The following PRH1 variants were observed in gnomAD, a reference collection of about 807,000 sequenced individuals.
PRH1 encodes the protein salivary acidic proline-rich phosphoprotein 1/2.
Under a neutral mutation model 7.9 loss-of-function variants are expected in PRH1, and 7 were observed. That is an observed-to-expected ratio of 0.89 (90% CI 0.50 to 1.67). The LOEUF is 1.67. PRH1 is among the 40% of genes most tolerant of loss of function. The pLI is 0.00. For missense variants in PRH1, 109 were observed against 223.6 expected (o/e 0.49, Z 3.27); for synonymous variants, 45 against 80.8 (o/e 0.56, Z 2.38).
At chr12:11,055,906 A>G (rs7973242) in intron 1 of PRH1, among the ~76,000 whole-genome samples, 33,716 of 152,030 alleles carry the variant, frequency 0.22, 3,632 homozygotes, top group Non-Finnish European at 0.24. Flanking sequence ...AAAGCATCCA[A>G]GGTTTTCTTG....
chr12:11,113,634 C>G (rs1945652329), intron 1 of PRH1, among the ~76,000 whole-genome samples: 1 of 152,128 alleles, frequency 6.6e-6, no homozygotes, highest in South Asian at 2.1e-4. Flanking sequence ...CTAGGCAATA[C>G]CATTCAGGAC....
chr12:10,919,195 T>C lies in PRH1; in HGVS notation c.-58-34920A>G, dbSNP rs191093232. Among the ~76,000 whole-genome samples the C allele has an allele frequency of 1.1e-4, 16 of 152,326 alleles. 1 individual carries two copies. The Middle Eastern group carries it at 0.01, about 97-fold the overall frequency. ...TGCAATATTGTTGTTACAATACTAA[T>C]TATTGCAGGGTTAATTTTTCTTCAC... On this transcript the variant is annotated intron_variant, in intron 2 of 3. Coordinates refer to the PRH1 transcript ENST00000539853.
intron 2 of PRH1, among the ~76,000 whole-genome samples, chr12:10,947,932 C>T (rs1950512751): frequency 1.3e-5 from 2 of 152,058 alleles, no homozygotes; most frequent in African/African-American, 4.8e-5. Flanking sequence ...AGATTTTTTT[C>T]TTTAAGAATG....
intron 1 of PRH1, among the ~76,000 whole-genome samples, chr12:11,127,640 C>A (rs1478348353): frequency 6.6e-6 from 1 of 152,106 alleles, no homozygotes; most frequent in African/African-American, 2.4e-5. Context: ...ACATACACAC[C>A]CCTCATGGTT....
intron 2 of PRH1, chr12:10,938,500 G>T: frequency 1.9e-6 from 3 of 1,614,042 alleles, no homozygotes; most frequent in Non-Finnish European, 2.5e-6. Context: ...AGAGTAGGAA[G>T]AAAGTGATCA....
intron 2 of PRH1, among the ~76,000 whole-genome samples, chr12:10,972,932 A>ACCCCCCCCCCCCCCCCCCCCC (rs545868427): frequency 1.3e-5 from 1 of 79,022 alleles, no homozygotes; most frequent in Non-Finnish European, 2.6e-5. Flanking sequence ...ACCACAACCC[A>ACCCCCCCCCCCCCCCCCCCCC]CCCCCCCCGC....
intron 1 of PRH1, among the ~76,000 whole-genome samples, chr12:11,152,890 T>C (rs747095306): frequency 1.3e-5 from 2 of 152,184 alleles, no homozygotes; most frequent in African/African-American, 2.4e-5. Flanking sequence ...CTGCCCCTTC[T>C]GCCTGAGACT....
chr12:11,016,820 A>G, intron 1 of PRH1, among the ~76,000 whole-genome samples: 2 of 152,010 alleles, frequency 1.3e-5, no homozygotes, highest in Admixed American at 1.3e-4. Context: ...ATTAGAGCAG[A>G]ACCAAGGGGA....
chr12:11,140,018 T>C (rs1036542994), intron 1 of PRH1, among the ~76,000 whole-genome samples: 1 of 152,018 alleles, frequency 6.6e-6, no homozygotes, highest in Non-Finnish European at 1.5e-5. Context: ...TTCAATAAAT[T>C]TCATTCTATG....
At chr12:10,976,705 T>C (rs1026706054) in intron 1 of PRH1, among the ~76,000 whole-genome samples, 1 of 150,472 alleles carries the variant, frequency 6.6e-6, no homozygotes, top group African/African-American at 2.4e-5. Context: ...AATATACAAA[T>C]GAACACTTTC....
intron 2 of PRH1, among the ~76,000 whole-genome samples, chr12:10,893,111 T>C (rs1261314371): frequency 6.6e-6 from 1 of 152,240 alleles, no homozygotes; most frequent in East Asian, 1.9e-4. Flanking sequence ...TTTTTAACTT[T>C]AGAACAATTT....
In PRH1 at chr12:10,998,625, C is replaced by T. The variant is rs139588928; in HGVS notation, c.-125-24904G>A. Among the ~76,000 whole-genome samples, 45 of 152,174 alleles carry T rather than the reference C, an allele frequency of 3.0e-4. No homozygotes were observed. In the East Asian group the frequency reaches 7.7e-3, roughly 26 times the overall value. On this transcript the variant is annotated intron_variant, in intron 1 of 3. Transcript: ENST00000539853. Reference sequence around the variant, plus strand: ...CATGGAAAATGAGTTTCCAGGAGCTCGTCCTGGTGGAATTAGTCCTATTTT... The same window carrying T: ...CATGGAAAATGAGTTTCCAGGAGCTTGTCCTGGTGGAATTAGTCCTATTTT...
At chr12:11,129,257 G>T (rs112654452) in intron 1 of PRH1, among the ~76,000 whole-genome samples, 3 of 152,282 alleles carry the variant, frequency 2.0e-5, no homozygotes, top group African/African-American at 7.2e-5. Context: ...TAGAGCTTCG[G>T]CTCATGTCCA....
chr12:11,109,559 C>T (rs573075943), intron 1 of PRH1, among the ~76,000 whole-genome samples: 1 of 152,262 alleles, frequency 6.6e-6, no homozygotes, highest in Admixed American at 6.5e-5. Flanking sequence ...CAAACTACAG[C>T]AGACTTGCAG....
chr12:11,158,352 G>C (rs1196539413), intron 1 of PRH1, among the ~76,000 whole-genome samples: 1 of 151,892 alleles, frequency 6.6e-6, no homozygotes, highest in African/African-American at 2.4e-5. Context: ...TATATATTAT[G>C]CTTTAACAAA....
intron 2 of PRH1, among the ~76,000 whole-genome samples, chr12:10,968,012 C>G (rs978511789): frequency 6.6e-6 from 1 of 152,106 alleles, no homozygotes; most frequent in Non-Finnish European, 1.5e-5. Flanking sequence ...ACCCAAGAGG[C>G]GGAGGTTGCA....
At chr12:10,932,924 A>G (rs1264135332) in intron 2 of PRH1, among the ~76,000 whole-genome samples, 3 of 152,212 alleles carry the variant, frequency 2.0e-5, no homozygotes, top group African/African-American at 4.8e-5. Flanking sequence ...GTAAGCAATG[A>G]GCTCAAATAA....
At chr12:11,036,152 C>G (rs535427907) in intron 1 of PRH1, among the ~76,000 whole-genome samples, 74 of 152,330 alleles carry the variant, frequency 4.9e-4, no homozygotes, top group Non-Finnish European at 9.8e-4. Context: ...CTCGGCCTCC[C>G]GAAGTGCTGG....
chr12:11,147,161 A>G (rs1447664354), intron 1 of PRH1, among the ~76,000 whole-genome samples: 1 of 151,666 alleles, frequency 6.6e-6, no homozygotes, highest in Non-Finnish European at 1.5e-5. Flanking sequence ...ATTTTATAAT[A>G]CTCAGTTTAT....
Sources: allele counts gnomAD v4.1 joint callset (sites outside exome capture counted in the v4.1 genomes callset), GRCh38; gene constraint gnomAD v4.1.1; transcripts MANE v1.5; gene names NCBI Gene and HGNC (gene_info 2026-07-23, HGNC 2026-07-21).